The following ZNF124 variants were observed in gnomAD, a reference collection of about 807,000 sequenced individuals.
ZNF124 encodes zinc finger protein HZF-16.
In ZNF124, 25 loss-of-function variants were observed where a neutral mutation model predicts 26.6. That is an observed-to-expected ratio of 0.94 (90% CI 0.68 to 1.31). ZNF124 has a LOEUF of 1.31. Ranked by LOEUF, ZNF124 falls within the 40% of genes most tolerant of loss-of-function variation. The pLI, the probability that ZNF124 is intolerant of heterozygous loss-of-function variation, is 0.00. For synonymous variants in ZNF124, 129 were observed against 133.3 expected, an observed-to-expected ratio of 0.97 and a Z score of 0.22; for missense variants, 444 against 422.2, an observed-to-expected ratio of 1.05 and a Z score of -0.45.
intron 3 of ZNF124, among the ~76,000 whole-genome samples, chr1:247,142,849 T>C (rs1257492163): frequency 6.6e-6 from 1 of 152,022 alleles, no homozygotes; most frequent in Non-Finnish European, 1.5e-5. Context: ...GTCTTTTTTT[T>C]TTTTTACATA....
intron 3 of ZNF124, among the ~76,000 whole-genome samples, chr1:247,147,918 G>T (rs769879686): frequency 5.3e-5 from 8 of 152,154 alleles, no homozygotes; most frequent in Non-Finnish European, 1.2e-4. Flanking sequence ...CTGCTTTCAT[G>T]GTGAACCCTG....
At position 247,168,455 on chromosome 1, in the gene ZNF124, C is replaced by A. The variant is rs1419536154; in HGVS notation, c.30+3393G>T. 2.6e-5 allele frequency among the ~76,000 whole-genome samples: 4 copies of A among 152,246 alleles called. No individual in the cohort carries two copies. Among genetic ancestry groups the A allele is most frequent in the Non-Finnish European group, 5.9e-5 (4 of 68,050 alleles). ...GGCTAAGGCATGAGAATCCCTTGAA[C>A]CCAGGCGACGGAAGGTTGTAGTGAG... On this transcript the variant is annotated intron_variant, in intron 1 of 3. Transcript: ENST00000543802. The surrounding 1 kb of genome is among the most constrained non-coding windows in gnomAD (Gnocchi z 4.0).
rs569923636 is a variant in ZNF124 at position 247,155,588 on chromosome 1, G to A, written c.*978C>T. On this transcript the variant is annotated 3_prime_UTR_variant, in exon 4 of 4. Coordinates refer to ENST00000543802, the MANE Select transcript of ZNF124 (RefSeq NM_001297568.2). ...TACAGAAGTCTTGCCTCAGCTGGGC[G>A]TGGTGGCTCACGCCTGTAATCCCAG... 6.6e-5 allele frequency among the ~76,000 whole-genome samples: 10 copies of A among 152,132 alleles called. No homozygotes were observed. The highest frequency in any genetic ancestry group is 1.0e-4 in the Non-Finnish European group (7 of 67,988).
chr1:247,128,215 G>A (rs1408371705), intron 3 of ZNF124, among the ~76,000 whole-genome samples: 2 of 151,996 alleles, frequency 1.3e-5, no homozygotes, highest in African/African-American at 4.8e-5. Flanking sequence ...CATTCCTTGT[G>A]AAAACAGAGA....
At chr1:247,138,129 C>A (rs1672531755) in intron 3 of ZNF124, 1 of 152,136 alleles carries the variant, frequency 6.6e-6, no homozygotes, top group Non-Finnish European at 1.5e-5. Context: ...GAATATAAAT[C>A]ATTCTACTAT....
chr1:247,157,412 G>A lies in ZNF124; in HGVS notation c.219-9C>T. 1 of 1,551,524 alleles carries A rather than the reference G, an allele frequency of 6.4e-7. No individual in the cohort carries two copies. Among genetic ancestry groups the A allele is most frequent in the Non-Finnish European group, 8.7e-7 (1 of 1,146,658 alleles). ...AATGAGATATGATGTGCCTATGAAG[G>A]GATGAATGACGTATGAAGAATTTTT... On this transcript the variant is annotated splice_polypyrimidine_tract_variant and intron_variant, in intron 3 of 3. Coordinates refer to ENST00000543802, the MANE Select transcript of ZNF124 (RefSeq NM_001297568.2).
At position 247,156,700 on chromosome 1, in the gene ZNF124, G is replaced by T. The variant is rs755104643; in HGVS notation, c.922C>A (p.His308Asn). Reference sequence around the variant, plus strand: ...TTCTCTCCAGTATGAGTCCTTTCATGGTCACGAAGGGAACTGGAACATCTG... The same window carrying T: ...TTCTCTCCAGTATGAGTCCTTTCATTGTCACGAAGGGAACTGGAACATCTG... ...GFRCSSSLRDHERTHTGEKPY... is the reference protein window; with the variant it reads ...GFRCSSSLRDNERTHTGEKPY... The change falls in exon 4 of 4, where the codon CAT (histidine) becomes AAT (asparagine). Residue 308 changes from histidine (H) to asparagine (N), a missense_variant. His to Asn is a moderately conservative substitution (Grantham distance 68). Coordinates refer to ENST00000543802, the MANE Select transcript of ZNF124 (RefSeq NM_001297568.2). 1 of 1,613,662 alleles carries T rather than the reference G, an allele frequency of 6.2e-7. No individual in the cohort carries two copies. The highest frequency in any genetic ancestry group is 8.5e-7 in the Non-Finnish European group (1 of 1,179,890).
chr1:247,157,378 T>A lies in ZNF124; in HGVS notation c.244A>T (p.Asn82Tyr), dbSNP rs1426841828. The change falls in exon 4 of 4, where the codon AAC (asparagine) becomes TAC (tyrosine). Residue 82 changes from asparagine to tyrosine, a missense_variant. Transcript: ENST00000543802. ...CCGCATTCCTCACACCCATATGGGT[T>A]GTTTCCAGAATGAGATATGATGTGC... ...LRHIISHSGN[N>Y]PYGCEECGKK... 6.4e-7 allele frequency: 1 copy of A among 1,552,770 alleles called. No homozygotes were observed. The highest frequency in any genetic ancestry group is 1.4e-5 in the African/African-American group (1 of 73,058).
At chr1:247,145,664 T>A (rs1672756455) in intron 3 of ZNF124, among the ~76,000 whole-genome samples, 1 of 151,912 alleles carries the variant, frequency 6.6e-6, no homozygotes, top group African/African-American at 2.4e-5. Context: ...GTTTCACTCC[T>A]GTCGCCCAAG....
exon 4 of ZNF124, chr1:247,123,752 G>A (rs1475332335): frequency 1.7e-5 from 11 of 659,686 alleles, no homozygotes; most frequent in Non-Finnish European, 3.0e-5. Context: ...TGATTCGTGT[G>A]GCTTGCAGAG....
In ZNF124 at chr1:247,136,746, A is replaced by G. The variant is rs1244405445; in HGVS notation, c.219-12875T>C. 8.5e-5 allele frequency among the ~76,000 whole-genome samples: 13 copies of G among 152,266 alleles called. No individual in the cohort carries two copies. The East Asian group carries it at 2.1e-3, about 25-fold the overall frequency. On this transcript the variant is annotated intron_variant, in intron 3 of 3. Coordinates refer to the ZNF124 transcript ENST00000472531. The stretch of plus-strand genomic sequence containing the variant: ...TATATCACTTGAGGTCAGGAGCTTG[A>G]GACCAGCTTGGCCAACATGGTGAAA...
chr1:247,150,525 A>G (rs1458134891), downstream of ZNF124, among the ~76,000 whole-genome samples: 1 of 152,196 alleles, frequency 6.6e-6, no homozygotes, highest in Non-Finnish European at 1.5e-5. Flanking sequence ...CTAGTCATAA[A>G]TCTCAATTCT....
intron 3 of ZNF124, among the ~76,000 whole-genome samples, chr1:247,158,594 A>G (rs1197818425): frequency 6.6e-6 from 1 of 152,132 alleles, no homozygotes; most frequent in Admixed American, 6.5e-5. Flanking sequence ...AACTTTGAGA[A>G]TAAATTGATG....
intron 3 of ZNF124, among the ~76,000 whole-genome samples, chr1:247,149,503 ATAT>A (rs1483393134): frequency 6.6e-6 from 1 of 152,258 alleles, no homozygotes; most frequent in African/African-American, 2.4e-5. Context: ...ACGCAATGAA[ATAT>A]TATTCAGCCA....
At chr1:247,127,961 C>T (rs1672251373) in intron 3 of ZNF124, among the ~76,000 whole-genome samples, 1 of 152,186 alleles carries the variant, frequency 6.6e-6, no homozygotes, top group Non-Finnish European at 1.5e-5. Flanking sequence ...GTACTGGTTT[C>T]CCCTGCATTT....
downstream of ZNF124, among the ~76,000 whole-genome samples, chr1:247,154,142 G>A (rs902464597): frequency 3.5e-4 from 53 of 152,136 alleles, no homozygotes; most frequent in African/African-American, 1.2e-3. Flanking sequence ...ACAGATATAA[G>A]TTGGCTCCGT....
At chr1:247,139,968 T>C (rs1024855038) in intron 3 of ZNF124, among the ~76,000 whole-genome samples, 3 of 152,174 alleles carry the variant, frequency 2.0e-5, no homozygotes, top group Non-Finnish European at 1.5e-5. Flanking sequence ...ATTGTGTGTC[T>C]TGGGGATGAT....
chr1:247,134,829 C>T (rs964915710), intron 3 of ZNF124, among the ~76,000 whole-genome samples: 1 of 152,132 alleles, frequency 6.6e-6, no homozygotes, highest in African/African-American at 2.4e-5. Flanking sequence ...CACTTATTCT[C>T]AAATCAACCA....
At position 247,157,051 on chromosome 1, in the gene ZNF124, T is replaced by C; in HGVS notation, c.571A>G (p.Ser191Gly). 1 of 1,614,204 alleles carries C rather than the reference T, an allele frequency of 6.2e-7. No homozygotes were observed. The highest frequency in any genetic ancestry group is 8.5e-7 in the Non-Finnish European group (1 of 1,180,032). The change falls in exon 4 of 4, where the codon AGT becomes GGT. Residue 191 changes from serine (S) to glycine (G), a missense_variant. By Grantham distance (56) the Ser-to-Gly change is moderately conservative. Transcript: ENST00000543802. ...KQCGKAFSRSSHLRDHERTHT... is the reference protein window; with the variant it reads ...KQCGKAFSRSGHLRDHERTHT... ...GTTCTTTCATGGTCACGAAGGTGAC[T>C]GGAACGACTGAAGGCTTTCCCACAT...
Sources: gnomAD v4.1 joint callset for allele counts (sites outside exome capture counted in the v4.1 genomes callset) on GRCh38, gnomAD v4.1.1 for gene constraint, Gnocchi (gnomAD v3.1) non-coding constraint, MANE v1.5 for transcripts, NCBI Gene and HGNC (gene_info 2026-07-23, HGNC 2026-07-21) for gene names.